SUSD1: variants seen among roughly 807,000 people sequenced by gnomAD.
SUSD1 encodes sushi domain-containing protein 1.
SUSD1 carries 65 observed loss-of-function variants against 86.9 expected under a neutral mutation model. The observed-to-expected ratio is 0.75, with a 90% CI of 0.61 to 0.92. The LOEUF (loss-of-function observed/expected upper bound fraction) is 0.92. Ranked by LOEUF, SUSD1 falls within the 40% of genes least tolerant of loss-of-function variation. SUSD1 has a pLI of 0.00. For synonymous variants in SUSD1, 346 were observed against 350.0 expected (o/e 0.99, Z 0.13); for missense variants, 850 against 929.7 (o/e 0.91, Z 1.11).
chr9:112,113,796 G>T lies in SUSD1; in HGVS notation c.887-928C>A, dbSNP rs1298228770. On this transcript the variant is annotated intron_variant, in intron 6 of 16. Transcript: ENST00000374270. This position sits in a 1 kb window ranked among gnomAD's most constrained non-coding sequence, Gnocchi z 4.1. Reference sequence around the variant, plus strand: ...AAAATACAAAACTTAGCGGTGCACGGTGGCACATGCCTGTAATCTCAACTA... The same window carrying T: ...AAAATACAAAACTTAGCGGTGCACGTTGGCACATGCCTGTAATCTCAACTA... 6.6e-6 allele frequency among the ~76,000 whole-genome samples: 1 copy of T among 152,084 alleles called. No individual in the cohort carries two copies. The highest frequency in any genetic ancestry group is 1.5e-5 in the Non-Finnish European group (1 of 68,010).
chr9:112,103,994 T>C (rs1279489772), intron 8 of SUSD1, among the ~76,000 whole-genome samples: 5 of 152,126 alleles, frequency 3.3e-5, no homozygotes, highest in African/African-American at 4.8e-5. Context: ...TTTGAAGTAA[T>C]GCTTCAACGT....
intron 5 of SUSD1, among the ~76,000 whole-genome samples, chr9:112,138,604 A>G (rs1032271803): frequency 1.3e-5 from 2 of 151,608 alleles, no homozygotes; most frequent in Non-Finnish European, 2.9e-5. Context: ...GCACGCCACC[A>G]CGCCCAGGTA....
intron 6 of SUSD1, among the ~76,000 whole-genome samples, chr9:112,122,047 G>T (rs1260023094): frequency 6.6e-6 from 1 of 152,222 alleles, no homozygotes; most frequent in African/African-American, 2.4e-5. Flanking sequence ...AACACTCTCT[G>T]AGGTAAGAAA....
Position 112,111,740 on chromosome 9 carries a change from A to C in SUSD1, c.1085T>G (p.Leu362Arg), listed in dbSNP as rs776427676. 1.9e-6 allele frequency: 3 copies of C among 1,614,040 alleles called. No individual in the cohort carries two copies. The highest frequency in any genetic ancestry group is 2.5e-6 in the Non-Finnish European group (3 of 1,180,036). ...CACGGTGTAGTTGGTGCCTGGGTAC[A>C]GGGCTAGGCACACTTCTGGGGTCCT... ...DSRTPEVCLA[L>R]YPGTNYTVNI... Residue 362 changes from leucine (L) to arginine (R), a missense_variant, in exon 8 of 17, where the codon CTG becomes CGG. Transcript: ENST00000374270.
rs772916055 is a variant in SUSD1, at chr9:112,142,384, T to C, written c.642A>G (p.Pro214=). Residue 214 remains proline, a synonymous_variant, in exon 5 of 17, where the codon CCA becomes CCG. Transcript: ENST00000374270. ...YACREGFFSV[P]EDTVSSCTGL... is the part of the protein sequence containing the mutation. ...CTGTGCAGCTTGAAACTGTATCTTC[T>C]GGAACACTGAAGAATCCTTCTCTGC... The C allele has an allele frequency of 1.2e-6, 2 of 1,614,116 alleles. No homozygotes were observed. Among genetic ancestry groups the C allele is most frequent in the South Asian group, 1.1e-5 (1 of 91,074 alleles).
At chr9:112,092,408 T>C (rs1479936701) in intron 10 of SUSD1, among the ~76,000 whole-genome samples, 1 of 152,248 alleles carries the variant, frequency 6.6e-6, no homozygotes, top group Admixed American at 6.5e-5. Context: ...AATTTCTAAC[T>C]GATTCTTAAT....
At chr9:112,129,802 G>A (rs568097573) in intron 5 of SUSD1, among the ~76,000 whole-genome samples, 66 of 152,256 alleles carry the variant, frequency 4.3e-4, no homozygotes, top group Admixed American at 2.4e-3. Flanking sequence ...GTTTTACACC[G>A]TTGTTCATTG....
At chr9:112,121,528 A>G (rs1831554831) in intron 6 of SUSD1, among the ~76,000 whole-genome samples, 1 of 152,194 alleles carries the variant, frequency 6.6e-6, no homozygotes, top group Non-Finnish European at 1.5e-5. Context: ...TGCTAAATAG[A>G]TATCTATTGA....
In SUSD1 at chr9:112,142,381, T is replaced by C; in HGVS notation, c.645A>G (p.Glu215=). The change falls in exon 5 of 17, where the codon GAA becomes GAG. Residue 215 remains glutamate, a synonymous_variant. Coordinates refer to ENST00000374270, the MANE Select transcript of SUSD1 (RefSeq NM_022486.5). ...ACREGFFSVP[E]DTVSSCTGLG... ...GGCCTGTGCAGCTTGAAACTGTATC[T>C]TCTGGAACACTGAAGAATCCTTCTC... 6.2e-7 allele frequency: 1 copy of C among 1,614,100 alleles called. No individual in the cohort carries two copies.
intron 2 of SUSD1, among the ~76,000 whole-genome samples, chr9:112,156,472 A>AG (rs1234168044): frequency 1.3e-5 from 2 of 152,144 alleles, no homozygotes; most frequent in African/African-American, 4.8e-5. Context: ...AAAAAAAAAA[A>AG]AAATACTCAC....
chr9:112,161,260 G>A (rs1213070290), intron 1 of SUSD1, among the ~76,000 whole-genome samples: 1 of 151,672 alleles, frequency 6.6e-6, no homozygotes, highest in African/African-American at 2.4e-5. Context: ...CACACCTGTA[G>A]TCCCAGCTAC....
rs1404631243 is a variant in SUSD1 at position 112,167,008 on chromosome 9, T to G, written c.103+8125A>C. On this transcript the variant is annotated intron_variant, in intron 1 of 16. Coordinates refer to ENST00000374270, the MANE Select transcript of SUSD1 (RefSeq NM_022486.5). ...TGACTACCCCAGCTAAAACTACACC[T>G]AACAATGAGAGGGTGAGACAGGTTT... 2.6e-5 allele frequency among the ~76,000 whole-genome samples: 4 copies of G among 152,284 alleles called. No individual in the cohort carries two copies. In the East Asian group the frequency reaches 7.7e-4, roughly 29 times the overall value.
chr9:112,135,904 A>G (rs994562000), intron 5 of SUSD1, among the ~76,000 whole-genome samples: 1 of 152,164 alleles, frequency 6.6e-6, no homozygotes, highest in African/African-American at 2.4e-5. Flanking sequence ...AGGAAACTGG[A>G]GTTTAGAGAG....
At chr9:112,166,705 G>A (rs1275794964) in intron 1 of SUSD1, among the ~76,000 whole-genome samples, 1 of 152,224 alleles carries the variant, frequency 6.6e-6, no homozygotes, top group East Asian at 1.9e-4. Flanking sequence ...GAGCTGTGTC[G>A]GGGGCACTTG....
intron 13 of SUSD1, among the ~76,000 whole-genome samples, chr9:112,061,296 C>G (rs1828714360): frequency 6.6e-6 from 1 of 152,196 alleles, no homozygotes; most frequent in Admixed American, 6.5e-5. Context: ...AGCTGCTGCC[C>G]CCCAGCTCAA....
chr9:112,053,145 AGTCT>A (rs1363400026), intron 14 of SUSD1, among the ~76,000 whole-genome samples: 1 of 152,162 alleles, frequency 6.6e-6, no homozygotes, highest in African/African-American at 2.4e-5. Context: ...TCATTAGGAG[AGTCT>A]CTTTCAAATG....
intron 10 of SUSD1, among the ~76,000 whole-genome samples, chr9:112,095,953 G>A (rs1471316959): frequency 1.3e-5 from 2 of 152,078 alleles, no homozygotes; most frequent in Admixed American, 6.6e-5. Context: ...CTTTGGAACG[G>A]GCATCAAGAA....
At chr9:112,077,499 CTTTTTTTTTTTTTTTTT>C (rs869259276) in intron 12 of SUSD1, among the ~76,000 whole-genome samples, 1 of 66,404 alleles carries the variant, frequency 1.5e-5, no homozygotes, top group South Asian at 6.0e-4. Flanking sequence ...TAGTAATCTA[CTTTTTTTTTTTTTTTTT>C]TTTTTTTTTT....
At chr9:112,057,682 C>A (rs1243098578) in intron 14 of SUSD1, among the ~76,000 whole-genome samples, 1 of 152,174 alleles carries the variant, frequency 6.6e-6, no homozygotes, top group African/African-American at 2.4e-5. Context: ...TAGAGTGTCT[C>A]AGTTTTAAAT....
Sources: allele counts gnomAD v4.1 joint callset (sites outside exome capture counted in the v4.1 genomes callset), GRCh38; gene constraint gnomAD v4.1.1; non-coding constraint Gnocchi (gnomAD v3.1); transcripts MANE v1.5; gene names NCBI Gene and HGNC (gene_info 2026-07-23, HGNC 2026-07-21).